Variants in MKX observed in about 807,000 individuals in gnomAD.
The protein encoded by MKX is mohawk homeobox.
Under a neutral mutation model 36.0 loss-of-function variants are expected in MKX, and 13 were observed. That is an observed-to-expected ratio of 0.36 (90% confidence interval 0.24 to 0.57). The LOEUF is 0.57. Among genes scored for constraint, MKX ranks in the 20% least tolerant of loss-of-function variants. MKX has a pLI of 0.79. For synonymous variants in MKX, 176 were observed against 178.3 expected (o/e 0.99, Z 0.10); for missense variants, 458 against 456.4 (o/e 1.00, Z -0.03).
At chr10:27,690,371 A>AAAAACAAAACAAAACAAAAC (rs59668453) in intron 5 of MKX, among the ~76,000 whole-genome samples, 2,177 of 149,996 alleles carry the variant, frequency 0.015, 47 homozygotes, top group African/African-American at 0.051. Flanking sequence ...CTCCATCTCA[A>AAAAACAAAACAAAACAAAAC]AAAACAAAAC....
intron 5 of MKX, among the ~76,000 whole-genome samples, chr10:27,710,906 G>T (rs1836839528): frequency 6.6e-6 from 1 of 152,222 alleles, no homozygotes; most frequent in South Asian, 2.1e-4. Flanking sequence ...TGATCTGCCT[G>T]CCTCGGCCTC....
chr10:27,683,199 G>A (rs893039609), intron 5 of MKX, among the ~76,000 whole-genome samples: 2 of 152,262 alleles, frequency 1.3e-5, no homozygotes, highest in Non-Finnish European at 2.9e-5. Context: ...CCGGTCCGTG[G>A]CCCGGGGATG....
intron 5 of MKX, among the ~76,000 whole-genome samples, chr10:27,683,902 C>T (rs1031260761): frequency 6.6e-6 from 1 of 152,226 alleles, no homozygotes; most frequent in African/African-American, 2.4e-5. Flanking sequence ...CCAGGGCTCC[C>T]TGCTCACATT....
chr10:27,691,243 C>T (rs180782585), intron 5 of MKX, among the ~76,000 whole-genome samples: 1 of 152,240 alleles, frequency 6.6e-6, no homozygotes, highest in Non-Finnish European at 1.5e-5. Context: ...GGGGAAGGTT[C>T]CTGGATCCCA....
At chr10:27,719,340 G>T (rs1834319062) in intron 5 of MKX, among the ~76,000 whole-genome samples, 1 of 152,090 alleles carries the variant, frequency 6.6e-6, no homozygotes, top group Non-Finnish European at 1.5e-5. Flanking sequence ...AGTTCACAAA[G>T]AATAAGTAGC....
intron 5 of MKX, among the ~76,000 whole-genome samples, chr10:27,681,448 A>AAAACAAAC (rs72040625): frequency 5.9e-5 from 9 of 151,926 alleles, no homozygotes; most frequent in African/African-American, 1.9e-4. Flanking sequence ...ACTCCATCGC[A>AAAACAAAC]AAACAAACAA....
intron 2 of MKX, 105 bp downstream of exon 2, chr10:27,743,123 C>T (rs935643885): frequency 4.3e-6 from 5 of 1,153,932 alleles, no homozygotes; most frequent in South Asian, 2.1e-5. Flanking sequence ...AACTCCGGGC[C>T]CTTTCCCGTC....
intron 5 of MKX, among the ~76,000 whole-genome samples, chr10:27,689,456 T>C (rs1038720016): frequency 2.0e-5 from 3 of 152,204 alleles, no homozygotes; most frequent in Admixed American, 2.0e-4. Context: ...TGTTTAAAGG[T>C]TCTGCAATTT....
chr10:27,724,041 T>G (rs566528694), intron 5 of MKX, among the ~76,000 whole-genome samples: 4 of 152,368 alleles, frequency 2.6e-5, no homozygotes, highest in African/African-American at 9.6e-5. Context: ...ATTTGAGTTC[T>G]GTTTTTCCAT....
At chr10:27,715,247 T>C (rs1294799967) in intron 5 of MKX, among the ~76,000 whole-genome samples, 1 of 152,174 alleles carries the variant, frequency 6.6e-6, no homozygotes, top group Admixed American at 6.5e-5. Flanking sequence ...GGAGTCCCTC[T>C]CCTCTCTACA....
intron 5 of MKX, among the ~76,000 whole-genome samples, chr10:27,702,038 C>A (rs1161750797): frequency 6.6e-6 from 1 of 152,062 alleles, no homozygotes; most frequent in East Asian, 1.9e-4. Context: ...ACCTCATTAG[C>A]TTTCAATGCA....
intron 5 of MKX, among the ~76,000 whole-genome samples, chr10:27,721,551 C>T (rs1476329947): frequency 6.6e-6 from 1 of 152,146 alleles, no homozygotes; most frequent in Non-Finnish European, 1.5e-5. Flanking sequence ...AGCATGTTCT[C>T]TCTTATAAGT....
intron 5 of MKX, among the ~76,000 whole-genome samples, chr10:27,711,246 A>C (rs1216950477): frequency 2.6e-5 from 4 of 152,222 alleles, no homozygotes; most frequent in Non-Finnish European, 5.9e-5. Context: ...CATCTCTCAG[A>C]ATAACATAGC....
At chr10:27,710,915 T>C (rs1836839665) in intron 5 of MKX, among the ~76,000 whole-genome samples, 1 of 152,166 alleles carries the variant, frequency 6.6e-6, no homozygotes, top group Admixed American at 6.5e-5. Flanking sequence ...TGCCTCGGCC[T>C]CTCAAAGTGC....
rs746774071 is a variant in MKX, at chr10:27,675,270, C to G, written c.1018G>C (p.Glu340Gln). 54 of 1,614,022 alleles carry G rather than the reference C, an allele frequency of 3.3e-5. No homozygotes were observed. The highest frequency in any genetic ancestry group is 4.2e-5 in the Non-Finnish European group (50 of 1,180,032). ...CIIQKSSHIA[E>Q]VKTVKVPLVQ... The stretch of plus-strand genomic sequence containing the variant: ...AGCGGCACTTTGACAGTCTTTACTT[C>G]TGCTATATGGGACGACTTCTGGATG... Residue 340 changes from glutamate to glutamine, a missense_variant, in exon 7 of 7, where the codon GAA becomes CAA. Physicochemically the swap from Glu to Gln is conservative, Grantham distance 29 (BLOSUM62 2). Transcript: ENST00000419761.
At chr10:27,726,075 A>C (rs146083195) in intron 5 of MKX, among the ~76,000 whole-genome samples, 1 of 152,336 alleles carries the variant, frequency 6.6e-6, no homozygotes, top group East Asian at 1.9e-4. Context: ...CCACTGAAGC[A>C]AGTCTGAAAT....
At chr10:27,706,544 C>CCT (rs986654130) in intron 5 of MKX, among the ~76,000 whole-genome samples, 8 of 88,148 alleles carry the variant, frequency 9.1e-5, no homozygotes, top group South Asian at 4.2e-4. Flanking sequence ...CTCGTTAATT[C>CCT]CTGTGTGTGT....
Position 27,674,280 on chromosome 10 carries a change from C to T in MKX, c.*949G>A, listed in dbSNP as rs1291098689. 6.6e-6 allele frequency: 1 copy of T among 152,344 alleles called. No individual in the cohort carries two copies. Among genetic ancestry groups the T allele is most frequent in the Non-Finnish European group, 1.5e-5 (1 of 68,010 alleles). 9.4% of individuals were successfully genotyped at this position (152,344 alleles called of 1,614,324 possible). Reference sequence around the variant, plus strand: ...TTCTTTCATTCTGTTGTTCTCGCTGCAATACAAATTGTCCATCAGCAATTG... The same window carrying T: ...TTCTTTCATTCTGTTGTTCTCGCTGTAATACAAATTGTCCATCAGCAATTG... On this transcript the variant is annotated 3_prime_UTR_variant, in exon 7 of 7. Coordinates refer to ENST00000419761, the MANE Select transcript of MKX (RefSeq NM_173576.3).
chr10:27,723,771 T>C (rs1834429193), intron 5 of MKX, among the ~76,000 whole-genome samples: 1 of 152,212 alleles, frequency 6.6e-6, no homozygotes, highest in Non-Finnish European at 1.5e-5. Context: ...GGAGAGACTC[T>C]GAATTTTGGC....
Sources: gnomAD v4.1 joint callset for allele counts (sites outside exome capture counted in the v4.1 genomes callset) on GRCh38, gnomAD v4.1.1 for gene constraint, MANE v1.5 for transcripts, NCBI Gene and HGNC (gene_info 2026-07-23, HGNC 2026-07-21) for gene names.